The following ANXA9 variants were observed in gnomAD, a reference collection of about 807,000 sequenced individuals.
ANXA9 encodes the protein annexin 31.
Under a neutral mutation model 51.8 loss-of-function variants are expected in ANXA9, and 47 were observed. That is an observed-to-expected ratio of 0.91 (90% CI 0.72 to 1.16). The LOEUF (loss-of-function observed/expected upper bound fraction) is 1.16, where lower values mean the gene tolerates loss of function less well. Among genes scored for constraint, ANXA9 ranks in the 50% most tolerant of loss-of-function variants. ANXA9 has a pLI of 0.00. For missense variants in ANXA9, 361 were observed against 424.7 expected (o/e 0.85, Z 1.32); for synonymous variants, 154 against 168.7 (o/e 0.91, Z 0.68).
At chr1:150,986,040 G>A (rs587676144) in intron 7 of ANXA9, among the ~76,000 whole-genome samples, 2 of 151,938 alleles carry the variant, frequency 1.3e-5, no homozygotes, top group East Asian at 1.9e-4. Flanking sequence ...GTTATAATAC[G>A]GGTTTCCCTA....
Position 150,988,099 on chromosome 1 carries a change from C to A in ANXA9, c.706C>A (p.Gln236Lys), listed in dbSNP as rs1671612364. 3.7e-6 allele frequency: 6 copies of A among 1,614,208 alleles called. No homozygotes were observed. Among genetic ancestry groups the A allele is most frequent in the Non-Finnish European group, 5.1e-6 (6 of 1,180,044 alleles). ...NPEHLIRVFD[Q>K]YQRSTGQELE... ...CCTCCTACACACACAAGTGTTTGATCAGTACCAGCGGAGCACTGGGCAAGA... is the reference window on the plus strand; with the variant it reads ...CCTCCTACACACACAAGTGTTTGATAAGTACCAGCGGAGCACTGGGCAAGA... Residue 236 changes from glutamine to lysine, a missense_variant, in exon 11 of 14, where the codon CAG becomes AAG. Physicochemically the swap from Gln to Lys is moderately conservative, Grantham distance 53. Coordinates refer to ENST00000368947, the MANE Select transcript of ANXA9 (RefSeq NM_003568.3).
upstream of ANXA9, among the ~76,000 whole-genome samples, chr1:150,979,398 C>T (rs1380683020): frequency 2.0e-5 from 3 of 152,078 alleles, no homozygotes; most frequent in Admixed American, 6.6e-5. Flanking sequence ...AGGGGGACCC[C>T]GGCTGCGGAG....
chr1:150,994,035 C>T (rs1389728943), intron 12 of ANXA9, among the ~76,000 whole-genome samples: 1 of 152,094 alleles, frequency 6.6e-6, no homozygotes, highest in African/African-American at 2.4e-5. Context: ...AAGGGTCCAA[C>T]CGGAGAAACT....
intron 12 of ANXA9, among the ~76,000 whole-genome samples, chr1:150,990,457 T>G (rs587734434): frequency 6.6e-6 from 1 of 152,220 alleles, no homozygotes; most frequent in East Asian, 1.9e-4. Flanking sequence ...GCCTTCACCT[T>G]CTGGGTTCAA....
intron 9 of ANXA9, 99 bp from the exon 10 acceptor site, chr1:150,987,773 T>C: frequency 2.2e-6 from 2 of 905,584 alleles, no homozygotes; most frequent in East Asian, 5.0e-5. Context: ...CCCATTTCCA[T>C]CATGATGATG....
upstream of ANXA9, among the ~76,000 whole-genome samples, chr1:150,980,740 C>T (rs1215102004): frequency 5.9e-5 from 9 of 151,736 alleles, no homozygotes; most frequent in South Asian, 4.2e-4. Flanking sequence ...CCGCCATGCC[C>T]GGCTAATTTT....
At chr1:150,981,482 G>A (rs956370689), upstream of ANXA9, among the ~76,000 whole-genome samples, 1 of 152,206 alleles carries the variant, frequency 6.6e-6, no homozygotes, top group African/African-American at 2.4e-5. Context: ...GCTCCACAGG[G>A]CTGTTCACCT....
At chr1:150,984,775 T>TG in intron 7 of ANXA9, 99 bp downstream of exon 7, 1 of 1,010,482 alleles carries the variant, frequency 9.9e-7, no homozygotes, top group East Asian at 2.6e-5. Context: ...TCTGGCAACC[T>TG]GGCTGCCTAA....
chr1:150,986,627 T>A lies in ANXA9; in HGVS notation c.578T>A (p.Ile193Asn). 1 of 1,602,844 alleles carries A rather than the reference T, an allele frequency of 6.2e-7. No homozygotes were observed. The highest frequency in any genetic ancestry group is 8.5e-7 in the Non-Finnish European group (1 of 1,176,966). ...GGGGGCCGTGACAGCTACTCTGGAA[T>A]CATTGACTATAATCTGGCAGAACAA... ...AKGGRDSYSG[I>N]IDYNLAEQDV... Residue 193 changes from isoleucine (I) to asparagine (N), a missense_variant, in exon 9 of 14, where the codon ATC (isoleucine) becomes AAC (asparagine). By Grantham distance (149) the Ile-to-Asn change is moderately radical. Coordinates refer to ENST00000368947, the MANE Select transcript of ANXA9 (RefSeq NM_003568.3).
At chr1:150,989,568 G>A (rs896266344) in intron 12 of ANXA9, among the ~76,000 whole-genome samples, 3 of 151,898 alleles carry the variant, frequency 2.0e-5, no homozygotes, top group Non-Finnish European at 4.4e-5. Flanking sequence ...GCAGGCACCT[G>A]TAATTCCAGC....
At chr1:150,979,330 T>A (rs1671378823), upstream of ANXA9, among the ~76,000 whole-genome samples, 1 of 151,930 alleles carries the variant, frequency 6.6e-6, no homozygotes, top group Non-Finnish European at 1.5e-5. Context: ...CGGTTCTCCC[T>A]AAATCTGCTG....
chr1:150,977,335 CTG>C (rs1441088043), upstream of ANXA9, among the ~76,000 whole-genome samples: 2 of 152,138 alleles, frequency 1.3e-5, no homozygotes, highest in Non-Finnish European at 2.9e-5. Context: ...GAAGGGGAAA[CTG>C]GGCCTCAGCC....
intron 9 of ANXA9, 148 bp from the exon 10 acceptor site, chr1:150,987,721 CCTT>C: frequency 3.1e-6 from 2 of 642,392 alleles, no homozygotes; most frequent in Non-Finnish European, 5.4e-6. Context: ...GAATGAGAGT[CCTT>C]CTCAAAAAAA....
upstream of ANXA9, among the ~76,000 whole-genome samples, chr1:150,977,392 C>CAT (rs1671356120): frequency 6.6e-6 from 1 of 152,210 alleles, no homozygotes; most frequent in Admixed American, 6.5e-5. Context: ...GCTTGGGGAG[C>CAT]ATACACACCG....
chr1:150,987,798 G>A (rs989288080), intron 9 of ANXA9, 74 bp from the exon 10 acceptor site: 39 of 1,232,410 alleles, frequency 3.2e-5, no homozygotes, highest in Middle Eastern at 2.1e-4. Context: ...ATTCTGGAAC[G>A]TCATACCCAT....
At chr1:150,987,080 C>G (rs587731327) in intron 9 of ANXA9, among the ~76,000 whole-genome samples, 1 of 152,144 alleles carries the variant, frequency 6.6e-6, no homozygotes, top group South Asian at 2.1e-4. Flanking sequence ...ATAAAAACAA[C>G]TAGTAGGCCA....
chr1:150,984,565 T>C (rs1160934884), intron 6 of ANXA9, 21 bp from the exon 7 acceptor site: 1 of 1,610,572 alleles, frequency 6.2e-7, no homozygotes, highest in African/African-American at 1.3e-5. Context: ...AGTCTGAGAG[T>C]AGACTCCCAA....
rs1671453253 is a variant in ANXA9 at position 150,983,123 on chromosome 1, G to A, written c.18G>A (p.Gly6=). Residue 6 remains glycine (G), a synonymous_variant, in exon 3 of 14, where the codon GGG becomes GGA. Coordinates refer to ENST00000368947, the MANE Select transcript of ANXA9 (RefSeq NM_003568.3). ...GTAGCACCATGTCTGTGACTGGCGG[G>A]AAGATGGCACCGTCCCTCACCCAGG... is the stretch of plus-strand genomic sequence containing the variant. MSVTG[G]KMAPSLTQEI... 1 of 1,613,994 alleles carries A rather than the reference G, an allele frequency of 6.2e-7. No individual in the cohort carries two copies. The highest frequency in any genetic ancestry group is 8.5e-7 in the Non-Finnish European group (1 of 1,179,990).
At chr1:150,979,133 G>A (rs1419407359), upstream of ANXA9, among the ~76,000 whole-genome samples, 3 of 151,168 alleles carry the variant, frequency 2.0e-5, no homozygotes, top group Non-Finnish European at 4.4e-5. Flanking sequence ...GAATGAGTTT[G>A]TAGCAGGTTT....
Sources: allele counts gnomAD v4.1 joint callset (sites outside exome capture counted in the v4.1 genomes callset), GRCh38; gene constraint gnomAD v4.1.1; transcripts MANE v1.5; gene names NCBI Gene and HGNC (gene_info 2026-07-23, HGNC 2026-07-21).